The following ADGRG4 variants were observed in gnomAD, a reference collection of about 807,000 sequenced individuals.
The protein encoded by ADGRG4 is adhesion G protein-coupled receptor G4.
ADGRG4 carries 122 observed loss-of-function variants against 126.2 expected under a neutral mutation model. That is an observed-to-expected ratio of 0.97 (90% CI 0.83 to 1.12). The LOEUF is 1.12. Among genes scored for constraint, ADGRG4 ranks in the 50% most tolerant of loss-of-function variants. The pLI is 0.00. For missense variants in ADGRG4, 2,481 were observed against 2,251.8 expected (o/e 1.10, Z -2.06); for synonymous variants, 943 against 838.7 (o/e 1.12, Z -2.15).
At position 136,345,111 on chromosome X, in the gene ADGRG4, C is replaced by T; in HGVS notation, c.1405C>T (p.Pro469Ser). 3 of 1,211,014 alleles carry T rather than the reference C, an allele frequency of 2.5e-6. No homozygotes were observed. The highest frequency in any genetic ancestry group is 3.4e-6 in the Non-Finnish European group (3 of 894,823). The change falls in exon 6 of 26, where the codon CCT becomes TCT. Residue 469 changes from proline to serine, a missense_variant. Transcript: ENST00000394143. ...THVGTASSFP[P>S]EPVLISTAAP... ...TGTTGGGACTGCATCATCATTCCCA[C>T]CTGAGCCTGTGCTCATCTCCACAGC...
chrX:136,341,978 T>C (rs923504349), intron 5 of ADGRG4, among the ~76,000 whole-genome samples: 7 of 111,939 alleles, frequency 6.3e-5, no homozygotes, highest in African/African-American at 2.3e-4. Context: ...ATATGGATGT[T>C]TGGGTGATTT....
rs376744701 is a variant in ADGRG4, at chrX:136,345,708, A to G, written c.2002A>G (p.Met668Val). The change falls in exon 6 of 26, where the codon ATG becomes GTG. Residue 668 changes from methionine to valine, a missense_variant. Met to Val is a conservative substitution (Grantham distance 21). Transcript: ENST00000394143. ...GCCAGACCAGGCCCTGCTGGCATCT[A>G]TGAACACAACCACCATACTCACATT... ...SRPDQALLAS[M>V]NTTTILTFVP... 2.5e-6 allele frequency: 3 copies of G among 1,211,573 alleles called. No homozygotes were observed. The highest frequency in any genetic ancestry group is 4.6e-4 in the Middle Eastern group (2 of 4,349).
In ADGRG4 at chrX:136,349,969, TCC is replaced by T. The variant is rs1375656137; in HGVS notation, c.6265_6266del (p.Pro2089TyrfsTer8). 1 of 1,209,501 alleles carries T rather than the reference TCC, an allele frequency of 8.3e-7. No individual in the cohort carries two copies. The highest frequency in any genetic ancestry group is 1.1e-6 in the Non-Finnish European group (1 of 893,882). ...ATCACTACTGGCTTCCCAACTTCTC[TCC>T]CTATGTCTATAAATGTCACAGATGA... On this transcript the variant is annotated frameshift_variant, in exon 6 of 26. Transcript: ENST00000394143. LOFTEE classifies it high-confidence loss of function.
intron 12 of ADGRG4, among the ~76,000 whole-genome samples, chrX:136,363,266 C>G (rs938058457): frequency 2.6e-4 from 29 of 111,501 alleles, no homozygotes; most frequent in Non-Finnish European, 7.5e-5. Context: ...CTCCCCTTCC[C>G]CCTTCCCACA....
At chrX:136,307,040 A>T (rs754177462) in intron 3 of ADGRG4, among the ~76,000 whole-genome samples, 2 of 111,921 alleles carry the variant, frequency 1.8e-5, no homozygotes, top group African/African-American at 6.5e-5. Flanking sequence ...GTTGCATAGT[A>T]TTCTGTTGTG....
chrX:136,393,376 A>G (rs925954067), intron 17 of ADGRG4, among the ~76,000 whole-genome samples, 159 bp from the exon 18 acceptor site: 1 of 112,060 alleles, frequency 8.9e-6, no homozygotes, highest in African/African-American at 3.2e-5. Flanking sequence ...AAGCCAATTC[A>G]CAAATGGCCC....
intron 19 of ADGRG4, among the ~76,000 whole-genome samples, chrX:136,396,165 A>T (rs1002757524): frequency 1.6e-4 from 17 of 109,644 alleles, no homozygotes; most frequent in African/African-American, 5.0e-4. Flanking sequence ...TTTAAGAAGG[A>T]TCATAAGTAT....
chrX:136,388,310 A>C (rs1191012940), intron 16 of ADGRG4, among the ~76,000 whole-genome samples: 1 of 111,950 alleles, frequency 8.9e-6, no homozygotes, highest in Non-Finnish European at 1.9e-5. Flanking sequence ...ATTTGTTGCT[A>C]CTTCCCACAG....
intron 13 of ADGRG4, 96 bp downstream of exon 13, chrX:136,363,691 A>T: frequency 1.8e-6 from 1 of 569,073 alleles, no homozygotes; most frequent in Non-Finnish European, 3.1e-6. Context: ...AACCCCACTT[A>T]GGAAAATCTA....
chrX:136,403,323 G>A lies in ADGRG4; in HGVS notation c.8654+1G>A, dbSNP rs2148498776. The A allele has an allele frequency of 4.2e-6, 5 of 1,183,198 alleles. No individual in the cohort carries two copies. The highest frequency in any genetic ancestry group is 5.7e-6 in the Non-Finnish European group (5 of 869,661). Reference sequence around the variant, plus strand: ...GAACTCTGAGCCCAACAACTCCGTTGTAAGTACCAGCATCTCTGTTTCTCT... The same window carrying A: ...GAACTCTGAGCCCAACAACTCCGTTATAAGTACCAGCATCTCTGTTTCTCT... On this transcript the variant is annotated splice_donor_variant, in intron 22 of 25. Transcript: ENST00000394143. LOFTEE classifies it high-confidence loss of function.
rs2075034479 is a variant in ADGRG4, at chrX:136,348,352, A to G, written c.4646A>G (p.Lys1549Arg). 1 of 1,210,599 alleles carries G rather than the reference A, an allele frequency of 8.3e-7. No homozygotes were observed. ...SSKTMHPGCL[K>R]SPCTATSGPM... is the part of the protein sequence containing the mutation. ...AAAACAATGCATCCAGGTTGTTTGA[A>G]AAGTCCCTGTACAGCCACTTCTGGG... Residue 1549 changes from lysine to arginine, a missense_variant, in exon 6 of 26, where the codon AAA becomes AGA. Lys to Arg is a conservative substitution (Grantham distance 26, BLOSUM62 2). Coordinates refer to ENST00000394143, the MANE Select transcript of ADGRG4 (RefSeq NM_153834.4).
chrX:136,345,050 G>A lies in ADGRG4; in HGVS notation c.1344G>A (p.Trp448Ter). 1 of 1,210,431 alleles carries A rather than the reference G, an allele frequency of 8.3e-7. No homozygotes were observed. The highest frequency in any genetic ancestry group is 1.1e-6 in the Non-Finnish European group (1 of 894,474). The stretch of plus-strand genomic sequence containing the variant: ...CTACAGCTGCCGGAACTGTACCTTG[G>A]TTTACAGTGGAAAAGACTTCACCTG... ...IESTAAGTVP[W>*]FTVEKTSPAS... Residue 448 changes from tryptophan to a stop codon, truncating the protein, a stop_gained, in exon 6 of 26, where the codon TGG (tryptophan) becomes TGA (stop). Coordinates refer to ENST00000394143, the MANE Select transcript of ADGRG4 (RefSeq NM_153834.4). LOFTEE classifies it high-confidence loss of function.
intron 23 of ADGRG4, among the ~76,000 whole-genome samples, chrX:136,406,337 G>T (rs1470784698): frequency 8.9e-6 from 1 of 112,080 alleles, no homozygotes; most frequent in Admixed American, 9.4e-5. Context: ...GACCCCATAG[G>T]CTCTATCTGC....
At chrX:136,396,725 A>G (rs2075351025) in intron 19 of ADGRG4, among the ~76,000 whole-genome samples, 2 of 109,030 alleles carry the variant, frequency 1.8e-5, no homozygotes, top group African/African-American at 6.7e-5. Context: ...CTGAAATGTG[A>G]ATGACTGGAA....
intron 19 of ADGRG4, among the ~76,000 whole-genome samples, chrX:136,395,840 A>G (rs2075344106): frequency 8.9e-6 from 1 of 111,783 alleles, no homozygotes; most frequent in Non-Finnish European, 1.9e-5. Flanking sequence ...CAAATTATTC[A>G]TACTGTTTTT....
intron 4 of ADGRG4, among the ~76,000 whole-genome samples, chrX:136,317,223 G>A (rs978533397): frequency 1.8e-5 from 2 of 111,124 alleles, no homozygotes; most frequent in East Asian, 2.8e-4. Context: ...AAAAGCGGCC[G>A]GGCGTGGTGT....
chrX:136,332,403 C>T (rs1248195958), intron 5 of ADGRG4, among the ~76,000 whole-genome samples: 3 of 102,041 alleles, frequency 2.9e-5, no homozygotes, highest in Non-Finnish European at 4.0e-5. Context: ...TCCAGTCTAT[C>T]GTTGTTGGAC....
chrX:136,383,981 T>C (rs1469780838), intron 15 of ADGRG4, among the ~76,000 whole-genome samples: 1 of 109,069 alleles, frequency 9.2e-6, no homozygotes, highest in Non-Finnish European at 1.9e-5. Flanking sequence ...AACCTCTGCC[T>C]CTCGGGTTCA....
At chrX:136,311,237 C>T (rs1338899496) in intron 4 of ADGRG4, among the ~76,000 whole-genome samples, 1 of 110,940 alleles carries the variant, frequency 9.0e-6, no homozygotes, top group Non-Finnish European at 1.9e-5. Flanking sequence ...GTTGGGGCTT[C>T]AGCATAGGAT....
Sources: allele counts gnomAD v4.1 joint callset (sites outside exome capture counted in the v4.1 genomes callset), GRCh38; gene constraint gnomAD v4.1.1; transcripts MANE v1.5; gene names NCBI Gene and HGNC (gene_info 2026-07-23, HGNC 2026-07-21).